HPN: variants seen among roughly 807,000 people sequenced by gnomAD.
The protein encoded by HPN is hepsin, also known as serine protease hepsin.
In HPN, 13 loss-of-function variants were observed where a neutral mutation model predicts 55.9. The ratio of observed to expected loss-of-function variants is 0.23; its 90% CI spans 0.15 to 0.37. HPN has a LOEUF of 0.37. HPN is among the 10% of genes least tolerant of loss of function. The probability of loss-of-function intolerance (pLI) is 1.00; values close to 1 mark genes in which losing one functional copy is unlikely to be tolerated. For synonymous variants in HPN, 225 were observed against 240.3 expected (o/e 0.94, Z 0.59); for missense variants, 451 against 575.8 (o/e 0.78, Z 2.22).
At chr19:35,054,772 A>G (rs1407395903) in intron 4 of HPN, among the ~76,000 whole-genome samples, 1 of 152,112 alleles carries the variant, frequency 6.6e-6, no homozygotes, top group Non-Finnish European at 1.5e-5. Context: ...GGGGTGTGCG[A>G]CGAGGCCTTG....
upstream of HPN, chr19:35,040,633 AG>A: frequency 6.5e-6 from 1 of 152,826 alleles, no homozygotes; most frequent in Non-Finnish European, 1.5e-5. Flanking sequence ...CCAGGAAGGG[AG>A]GGGGTGCCGT....
At chr19:35,061,279 C>T (rs1229544266) in intron 9 of HPN, among the ~76,000 whole-genome samples, 2 of 152,054 alleles carry the variant, frequency 1.3e-5, no homozygotes, top group Admixed American at 6.5e-5. Context: ...GGGTGGATCA[C>T]GAGGTCAGGA....
Position 35,065,532 on chromosome 19 carries a change from C to G in HPN, c.908-7C>G. The stretch of plus-strand genomic sequence containing the variant: ...AGCTCTGGCCAGCCTTGCCTGCACA[C>G]CCCCAGGCCAACAGGCCGGGGTACT... On this transcript the variant is annotated splice_polypyrimidine_tract_variant and splice_region_variant and intron_variant, in intron 10 of 12. Transcript: ENST00000672452. The G allele has an allele frequency of 2.5e-6, 4 of 1,613,584 alleles. No homozygotes were observed. The highest frequency in any genetic ancestry group is 1.6e-4 in the Middle Eastern group (1 of 6,062).
intron 2 of HPN, among the ~76,000 whole-genome samples, chr19:35,047,837 A>G (rs1306338161): frequency 2.0e-5 from 3 of 151,872 alleles, no homozygotes; most frequent in Admixed American, 6.6e-5. Context: ...TCAATACAAA[A>G]AATACAAAAA....
Position 35,059,688 on chromosome 19 carries a change from C to T in HPN, c.176C>T (p.Ala59Val), listed in dbSNP as rs777477098. The change falls in exon 5 of 13, where the codon GCG becomes GTG. Residue 59 changes from alanine to valine, a missense_variant. Transcript: ENST00000672452. ...EPLYPVQVSS[A>V]DARLMVFDKT... The stretch of plus-strand genomic sequence containing the variant: ...CGCCCTGCAGTGCAGGTCAGCTCTG[C>T]GGACGCTCGGCTCATGGTCTTTGAC... The T allele has an allele frequency of 1.1e-5, 17 of 1,597,970 alleles. No individual in the cohort carries two copies. Among genetic ancestry groups the T allele is most frequent in the Middle Eastern group, 1.6e-4 (1 of 6,068 alleles).
chr19:35,065,514 G>C, intron 10 of HPN, 25 bp from the exon 11 acceptor site: 1 of 1,612,540 alleles, frequency 6.2e-7, no homozygotes, highest in East Asian at 2.2e-5. Flanking sequence ...CCCAGCTCTG[G>C]CCAGCCTTGC....
Position 35,060,463 on chromosome 19 carries a change from T to A in HPN, c.571T>A (p.Ser191Thr). Reference sequence around the variant, plus strand: ...TGATGGAGCACACCTCTGTGGGGGATCCCTGCTCTCCGGGGACTGGGTGCT... The same window carrying A: ...TGATGGAGCACACCTCTGTGGGGGAACCCTGCTCTCCGGGGACTGGGTGCT... ...RYDGAHLCGG[S>T]LLSGDWVLTA... Residue 191 changes from serine to threonine, a missense_variant, in exon 8 of 13, where the codon TCC becomes ACC. Ser to Thr is a moderately conservative substitution (Grantham distance 58). Coordinates refer to ENST00000672452, the MANE Select transcript of HPN (RefSeq NM_001384133.1). The A allele has an allele frequency of 6.2e-7, 1 of 1,613,460 alleles. No individual in the cohort carries two copies. The highest frequency in any genetic ancestry group is 8.5e-7 in the Non-Finnish European group (1 of 1,180,000).
At chr19:35,048,640 T>A (rs1253308453) in intron 2 of HPN, among the ~76,000 whole-genome samples, 1 of 152,068 alleles carries the variant, frequency 6.6e-6, no homozygotes, top group Non-Finnish European at 1.5e-5. Flanking sequence ...ACTCCTGTAA[T>A]CTCAGCATTT....
intron 2 of HPN, among the ~76,000 whole-genome samples, chr19:35,044,058 G>A (rs1403318500): frequency 2.0e-5 from 3 of 152,206 alleles, no homozygotes; most frequent in South Asian, 2.1e-4. Context: ...GGTGGCTGCC[G>A]GACTTTGGGC....
Position 35,041,782 on chromosome 19 carries a change from C to T in HPN, c.-145C>T. 2 of 1,320,088 alleles carry T rather than the reference C, an allele frequency of 1.5e-6. No individual in the cohort carries two copies. Among genetic ancestry groups the T allele is most frequent in the East Asian group, 1.1e-4 (2 of 18,886 alleles). The allele number at this position is 1,320,088 out of a possible 1,614,324, so 81.8% of individuals were successfully genotyped here. A position where few individuals can be genotyped will look rare whatever the true frequency, so the allele number is the denominator to read the frequency against. ...GCCTCTGCCTCCAGGCCGCCCGCTG[C>T]TGCGGGGCCACCATGCTCCTGCCCA... On this transcript the variant is annotated 5_prime_UTR_variant, in exon 1 of 13. Coordinates refer to ENST00000672452, the MANE Select transcript of HPN (RefSeq NM_001384133.1).
rs2064503236 is a variant in HPN, at chr19:35,059,708, T to G, written c.196T>G (p.Phe66Val). The change falls in exon 5 of 13, where the codon TTT becomes GTT. Residue 66 changes from phenylalanine (F) to valine (V), a missense_variant. Physicochemically the swap from Phe to Val is conservative, Grantham distance 50. Around this residue, in one of 2 missense-constraint regions of HPN, gnomAD observed 378 missense variants for 445.5 expected, o/e 0.85. Transcript: ENST00000672452. ...VSSADARLMV[F>V]DKTEGTWRLL... ...CTCTGCGGACGCTCGGCTCATGGTC[T>G]TTGACAAGACGGAAGGGACGTGGCG... is the stretch of plus-strand genomic sequence containing the variant. 1 of 1,600,962 alleles carries G rather than the reference T, an allele frequency of 6.2e-7. No homozygotes were observed. The highest frequency in any genetic ancestry group is 1.3e-5 in the African/African-American group (1 of 74,776).
At chr19:35,043,345 AG>A (rs562197012) in intron 2 of HPN, among the ~76,000 whole-genome samples, 160 of 152,172 alleles carry the variant, frequency 1.1e-3, no homozygotes, top group African/African-American at 3.7e-3. Context: ...ACCCAGCTGG[AG>A]GGGCGCATGG....
chr19:35,058,218 C>T (rs149131600), intron 4 of HPN, among the ~76,000 whole-genome samples: 15,645 of 150,802 alleles, frequency 0.1, 1,132 homozygotes, highest in Non-Finnish European at 0.16. Context: ...CTCACTCTGT[C>T]GCCCAAACTG....
intron 2 of HPN, 67 bp downstream of exon 2, chr19:35,042,589 C>T: frequency 7.4e-7 from 1 of 1,357,092 alleles, no homozygotes; most frequent in East Asian, 2.4e-5. Context: ...GCTCTTTTCT[C>T]TACCCTCTAC....
chr19:35,065,373 C>A, intron 10 of HPN, 28 bp downstream of exon 10: 1 of 1,594,956 alleles, frequency 6.3e-7, no homozygotes, highest in Non-Finnish European at 8.6e-7. Flanking sequence ...CCTCTGATGC[C>A]ACCGTTTGGG....
chr19:35,060,608 C>T lies in HPN; in HGVS notation c.621-19C>T, dbSNP rs201800782. 1 of 1,613,204 alleles carries T rather than the reference C, an allele frequency of 6.2e-7. No individual in the cohort carries two copies. The highest frequency in any genetic ancestry group is 8.5e-7 in the Non-Finnish European group (1 of 1,179,990). On this transcript the variant is annotated intron_variant, in intron 8 of 12. Coordinates refer to ENST00000672452, the MANE Select transcript of HPN (RefSeq NM_001384133.1). ...TTGTGCCCAGGCAGGTGGCCACCCT[C>T]CACCCCTTTCCCTGGTAGGCGGAAC...
intron 9 of HPN, among the ~76,000 whole-genome samples, chr19:35,061,136 C>T (rs1455143657): frequency 6.6e-6 from 1 of 152,164 alleles, no homozygotes; most frequent in Non-Finnish European, 1.5e-5. Flanking sequence ...TTCATAGCAG[C>T]ATTATTCATA....
intron 12 of HPN, 63 bp downstream of exon 12, chr19:35,066,095 A>G (rs927974412): frequency 6.2e-7 from 1 of 1,610,874 alleles, no homozygotes; most frequent in African/African-American, 1.3e-5. Context: ...GGGGGAAGGG[A>G]GGCAGAGATT....
At chr19:35,044,772 AG>A (rs2064325746) in intron 2 of HPN, among the ~76,000 whole-genome samples, 1 of 152,022 alleles carries the variant, frequency 6.6e-6, no homozygotes, top group East Asian at 1.9e-4. Flanking sequence ...GGAGTCACAG[AG>A]GGTTCTATAG....
Sources: allele counts gnomAD v4.1 joint callset (sites outside exome capture counted in the v4.1 genomes callset), GRCh38; gene constraint gnomAD v4.1.1; regional missense constraint gnomAD v4.1.1; transcripts MANE v1.5; gene names NCBI Gene and HGNC (gene_info 2026-07-23, HGNC 2026-07-21).